MOK: variants seen among roughly 807,000 people sequenced by gnomAD.
The protein encoded by MOK is MOK protein kinase.
MOK carries 59 observed loss-of-function variants against 54.2 expected under a neutral mutation model. The observed-to-expected ratio is 1.09, with a 90% CI of 0.88 to 1.35. The LOEUF is 1.35. MOK is among the 40% of genes most tolerant of loss of function. The pLI is 0.00. For missense variants in MOK, 517 were observed against 526.2 expected (o/e 0.98, Z 0.17); for synonymous variants, 210 against 202.7 (o/e 1.04, Z -0.31).
chr14:102,222,861 C>G (rs1400593261), downstream of MOK: 1 of 1,614,228 alleles, frequency 6.2e-7, no homozygotes, highest in Middle Eastern at 1.6e-4. This position sits in a 1 kb window ranked among gnomAD's most constrained non-coding sequence, Gnocchi z 4.4. Context: ...CAGGCCAGTT[C>G]TCCAGGTGGA....
At chr14:102,274,976 A>AG (rs2068719372) in intron 2 of MOK, among the ~76,000 whole-genome samples, 1 of 147,290 alleles carries the variant, frequency 6.8e-6, no homozygotes, top group African/African-American at 2.5e-5. Flanking sequence ...CTCTGTCTCA[A>AG]AAAAAAAAAA....
intron 2 of MOK, among the ~76,000 whole-genome samples, chr14:102,275,171 A>C (rs888078173): frequency 1.3e-5 from 2 of 152,204 alleles, no homozygotes; most frequent in Non-Finnish European, 2.9e-5. Flanking sequence ...GAAGGCAAGG[A>C]AAGTCTTTTT....
intron 2 of MOK, among the ~76,000 whole-genome samples, chr14:102,268,072 C>A (rs1485335266): frequency 6.6e-6 from 1 of 152,034 alleles, no homozygotes; most frequent in Non-Finnish European, 1.5e-5. Flanking sequence ...TTTGAACACC[C>A]GATCTGAAAA....
downstream of MOK, among the ~76,000 whole-genome samples, chr14:102,227,204 C>G (rs1484046114): frequency 6.6e-6 from 1 of 152,182 alleles, no homozygotes; most frequent in Non-Finnish European, 1.5e-5. Context: ...GAGAGTAACA[C>G]GTTTCCCAAG....
At chr14:102,304,238 G>A (rs1597682053) in intron 1 of MOK, among the ~76,000 whole-genome samples, 1 of 152,088 alleles carries the variant, frequency 6.6e-6, no homozygotes, top group Middle Eastern at 3.4e-3. Flanking sequence ...TGCACCTCTG[G>A]TTCACAACCA....
At chr14:102,243,542 C>G (rs1033672062) in intron 7 of MOK, among the ~76,000 whole-genome samples, 2 of 151,672 alleles carry the variant, frequency 1.3e-5, no homozygotes, top group African/African-American at 4.9e-5. Context: ...TCAACTCACT[C>G]TCTACAGCCC....
At chr14:102,251,492 C>T (rs1005955004) in intron 6 of MOK, 30 of 539,686 alleles carry the variant, frequency 5.6e-5, no homozygotes, top group Non-Finnish European at 8.8e-5. Context: ...AAGGTTTGAA[C>T]GGCCGTCTGA....
intron 4 of MOK, among the ~76,000 whole-genome samples, chr14:102,262,674 C>T (rs559288607): frequency 6.6e-6 from 1 of 152,162 alleles, no homozygotes; most frequent in South Asian, 2.1e-4. Context: ...AATAGTTTAT[C>T]AATCTAAAAA....
At position 102,294,363 on chromosome 14, in the gene MOK, A is replaced by G. The variant is rs181767914; in HGVS notation, c.7+10599T>C. Among the ~76,000 whole-genome samples, 112 of 151,086 alleles carry G rather than the reference A, an allele frequency of 7.4e-4. 1 individual carries two copies. Among genetic ancestry groups the G allele is most frequent in the African/African-American group, 1.8e-3 (72 of 40,864 alleles). ...CGGGAGGCTGAGGCAGGAAAATGGC[A>G]TGAACCCGGGAGGCGGAGCTGGCAG... On this transcript the variant is annotated intron_variant, in intron 1 of 11. Transcript: ENST00000361847.
intron 4 of MOK, among the ~76,000 whole-genome samples, chr14:102,262,052 A>T (rs374433563): frequency 6.7e-6 from 1 of 150,264 alleles, no homozygotes; most frequent in African/African-American, 2.5e-5. Context: ...TGTGTTAGCC[A>T]GGATGGTCTC....
At chr14:102,270,354 C>T (rs2068250654) in intron 2 of MOK, among the ~76,000 whole-genome samples, 1 of 152,216 alleles carries the variant, frequency 6.6e-6, no homozygotes, top group South Asian at 2.1e-4. Context: ...GTAATCCCAG[C>T]ACTTTGGGAG....
intron 4 of MOK, among the ~76,000 whole-genome samples, chr14:102,258,404 T>C (rs754468244): frequency 6.6e-6 from 1 of 152,202 alleles, no homozygotes; most frequent in Non-Finnish European, 1.5e-5. Flanking sequence ...CTCTAACACA[T>C]TGGCCTGTTT....
rs144195409 is a variant in MOK at position 102,285,013 on chromosome 14, G to A, written c.8-1421C>T. Reference sequence around the variant, plus strand: ...CAGGAGAATCCCTCGAACCCAGGAGGTGGAAGTTGCAGTGAGCCAAGATCA... The same window carrying A: ...CAGGAGAATCCCTCGAACCCAGGAGATGGAAGTTGCAGTGAGCCAAGATCA... On this transcript the variant is annotated intron_variant, in intron 1 of 11. Coordinates refer to ENST00000361847, the MANE Select transcript of MOK (RefSeq NM_014226.3). 4.6e-3 allele frequency among the ~76,000 whole-genome samples: 691 copies of A among 151,324 alleles called. 6 individuals carry two copies. Among genetic ancestry groups the A allele is most frequent in the African/African-American group, 0.016 (640 of 41,046 alleles).
In MOK at chr14:102,250,862, C is replaced by T. The variant is rs367966130; in HGVS notation, c.540G>A (p.Thr180=). 16 of 1,613,852 alleles carry T rather than the reference C, an allele frequency of 9.9e-6. No individual in the cohort carries two copies. The highest frequency in any genetic ancestry group is 8.9e-5 in the East Asian group (4 of 44,840). Residue 180 remains threonine, a synonymous_variant, in exon 7 of 12, where the codon ACG becomes ACA. Transcript: ENST00000361847. The part of the protein sequence containing the change: ...PECLLTDGFY[T]YKMDLWSAGC... ...CGGCGCTCCACAGGTCCATCTTGTA[C>T]GTGTAGAACCCATCAGTGAGGAGAC...
intron 1 of MOK, among the ~76,000 whole-genome samples, chr14:102,294,343 G>A (rs1182611338): frequency 6.6e-6 from 1 of 151,956 alleles, no homozygotes; most frequent in East Asian, 1.9e-4. Context: ...CTACTCGGGA[G>A]GCTGAGGCAG....
At chr14:102,258,081 T>C (rs1253375806) in intron 4 of MOK, among the ~76,000 whole-genome samples, 2 of 152,172 alleles carry the variant, frequency 1.3e-5, no homozygotes, top group Non-Finnish European at 2.9e-5. Context: ...TTTTACTATA[T>C]TTTACAAAAA....
intron 1 of MOK, among the ~76,000 whole-genome samples, chr14:102,299,209 G>A (rs891970430): frequency 6.6e-6 from 1 of 152,122 alleles, no homozygotes; most frequent in African/African-American, 2.4e-5. Flanking sequence ...AATTACAACA[G>A]ATACTTTTAA....
rs367765615 is a variant in MOK, at chr14:102,286,075, G to A, written c.8-2483C>T. Among the ~76,000 whole-genome samples the A allele has an allele frequency of 3.5e-4, 49 of 138,370 alleles. 1 individual carries two copies. In the Middle Eastern group the frequency reaches 0.021, roughly 58 times the overall value. The allele number at this position is 138,370 out of a possible 152,430, so 90.8% of individuals were successfully genotyped here. ...AGCACTTTGGGAGGCCGAGGCGGGC[G>A]GATCACGAGGTCAGAAGATCGAGAC... is the stretch of plus-strand genomic sequence containing the variant. On this transcript the variant is annotated intron_variant, in intron 1 of 11. Transcript: ENST00000361847.
intron 1 of MOK, among the ~76,000 whole-genome samples, chr14:102,292,066 T>C (rs2070817041): frequency 6.6e-6 from 1 of 152,148 alleles, no homozygotes; most frequent in African/African-American, 2.4e-5. Context: ...ACGTAATCCC[T>C]AGTCTTGAGA....
Sources: gnomAD v4.1 joint callset for allele counts (sites outside exome capture counted in the v4.1 genomes callset) on GRCh38, gnomAD v4.1.1 for gene constraint, Gnocchi (gnomAD v3.1) non-coding constraint, MANE v1.5 for transcripts, NCBI Gene and HGNC (gene_info 2026-07-23, HGNC 2026-07-21) for gene names.